Variants in NEDD9 observed in about 807,000 individuals in gnomAD.
NEDD9 encodes the protein neural precursor cell expressed, developmentally down-regulated 9, also known as enhancer of filamentation 1.
Under a neutral mutation model 76.6 loss-of-function variants are expected in NEDD9, and 26 were observed. That is an observed-to-expected ratio of 0.34 (90% CI 0.25 to 0.47). The LOEUF (loss-of-function observed/expected upper bound fraction) is 0.47, where lower values mean the gene tolerates loss of function less well. NEDD9 is among the 20% of genes least tolerant of loss of function. NEDD9 has a pLI of 1.00. For missense variants in NEDD9, 937 were observed against 1,058.5 expected, an observed-to-expected ratio of 0.89 and a Z score of 1.59; for synonymous variants, 392 against 414.2, an observed-to-expected ratio of 0.95 and a Z score of 0.65.
In NEDD9 at chr6:11,370,256, T is replaced by C. The variant is rs1762838807; in HGVS notation, c.-214+11883A>G. On this transcript the variant is annotated intron_variant, in intron 1 of 3. Transcript: ENST00000397378. The surrounding 1 kb of genome is among the most constrained non-coding windows in gnomAD (Gnocchi z 4.2). The stretch of plus-strand genomic sequence containing the variant: ...CCGAAGCTCTGCTGACGTTTTCCTA[T>C]GCTGAAGCAAGAAGTGAGGAACATT... 1.3e-5 allele frequency among the ~76,000 whole-genome samples: 2 copies of C among 152,220 alleles called. No individual in the cohort carries two copies. Among genetic ancestry groups the C allele is most frequent in the Admixed American group, 6.5e-5 (1 of 15,280 alleles).
chr6:11,288,086 T>C (rs1156560122), intron 3 of NEDD9, among the ~76,000 whole-genome samples: 1 of 152,218 alleles, frequency 6.6e-6, no homozygotes, highest in African/African-American at 2.4e-5. Flanking sequence ...AATTGTTTGG[T>C]CAGATCACTA....
intron 2 of NEDD9, among the ~76,000 whole-genome samples, chr6:11,326,314 A>G (rs1761927313): frequency 6.6e-6 from 1 of 152,200 alleles, no homozygotes; most frequent in African/African-American, 2.4e-5. Flanking sequence ...CTCCCTGCTC[A>G]TGATTATAGC....
At chr6:11,366,154 T>A (rs1414771954) in intron 1 of NEDD9, among the ~76,000 whole-genome samples, 1 of 151,796 alleles carries the variant, frequency 6.6e-6, no homozygotes, top group Non-Finnish European at 1.5e-5. Context: ...TGTGGTGGCA[T>A]GTGCCTGTAA....
At chr6:11,296,647 C>T (rs867499522) in intron 3 of NEDD9, among the ~76,000 whole-genome samples, 6,817 of 127,172 alleles carry the variant, frequency 0.054, 280 homozygotes, top group Admixed American at 0.1. Context: ...CCTTCCTTTC[C>T]TTCCTTCCTT....
intron 2 of NEDD9, among the ~76,000 whole-genome samples, chr6:11,312,175 G>A (rs1216779028): frequency 6.6e-6 from 1 of 151,922 alleles, no homozygotes; most frequent in Non-Finnish European, 1.5e-5. Context: ...TCCCCGTGAT[G>A]CCCCTCTCCC....
At chr6:11,196,266 T>C (rs558422166) in intron 2 of NEDD9, among the ~76,000 whole-genome samples, 5 of 152,256 alleles carry the variant, frequency 3.3e-5, no homozygotes, top group African/African-American at 7.2e-5. Flanking sequence ...ATCGTTCCAC[T>C]GCACTCCAGC....
At chr6:11,281,469 G>A (rs1024364005) in intron 3 of NEDD9, among the ~76,000 whole-genome samples, 11 of 152,214 alleles carry the variant, frequency 7.2e-5, no homozygotes, top group Admixed American at 6.5e-4. Context: ...TCTGGACATT[G>A]GTGTGAGAAG....
At chr6:11,322,719 C>T (rs1221997427) in intron 2 of NEDD9, among the ~76,000 whole-genome samples, 1 of 152,182 alleles carries the variant, frequency 6.6e-6, no homozygotes, top group Non-Finnish European at 1.5e-5. Context: ...CAGTCATTAC[C>T]GGAATGACGT....
chr6:11,349,269 A>G (rs1762420665), intron 1 of NEDD9, among the ~76,000 whole-genome samples: 1 of 152,206 alleles, frequency 6.6e-6, no homozygotes, highest in South Asian at 2.1e-4. Flanking sequence ...TAAAAAAATA[A>G]CAGATGCTTG....
intron 2 of NEDD9, among the ~76,000 whole-genome samples, chr6:11,326,772 G>GTA (rs1475584546): frequency 2.0e-5 from 3 of 152,188 alleles, no homozygotes; most frequent in Non-Finnish European, 4.4e-5. Context: ...CCCCTGCCCC[G>GTA]TACCATCTTC....
At chr6:11,210,540 T>C (rs1241228528) in intron 2 of NEDD9, among the ~76,000 whole-genome samples, 9 of 152,094 alleles carry the variant, frequency 5.9e-5, no homozygotes, top group Non-Finnish European at 5.9e-5. Flanking sequence ...CCACGCCTGA[T>C]CCCCAGTGTG....
chr6:11,209,982 C>CTTTTTTTTTTTTTTTA (rs1462229268), intron 2 of NEDD9, among the ~76,000 whole-genome samples: 1 of 42,052 alleles, frequency 2.4e-5, no homozygotes, highest in South Asian at 1.0e-3. Context: ...TTTTTTTTTC[C>CTTTTTTTTTTTTTTTA]TTAAGTGATT....
chr6:11,288,122 C>T (rs1403539839), intron 3 of NEDD9, among the ~76,000 whole-genome samples: 2 of 152,192 alleles, frequency 1.3e-5, no homozygotes, highest in Non-Finnish European at 2.9e-5. Flanking sequence ...TTAGAACATC[C>T]TGATCTTGAC....
intron 1 of NEDD9, among the ~76,000 whole-genome samples, chr6:11,367,283 A>G (rs190294125): frequency 2.9e-4 from 44 of 152,380 alleles, no homozygotes; most frequent in African/African-American, 1.0e-3. Context: ...GGATTAAGGA[A>G]GACAAAAGCT....
chr6:11,322,472 C>T (rs995061485), intron 2 of NEDD9, among the ~76,000 whole-genome samples: 2 of 152,148 alleles, frequency 1.3e-5, no homozygotes, highest in Admixed American at 6.5e-5. Context: ...AGGGGCATCT[C>T]GTGGGTGTGG....
chr6:11,253,083 A>G (rs1389930139), intron 3 of NEDD9, among the ~76,000 whole-genome samples: 1 of 152,198 alleles, frequency 6.6e-6, no homozygotes, highest in Non-Finnish European at 1.5e-5. Flanking sequence ...GAGTCATAAA[A>G]AAGTCAGGTC....
intron 3 of NEDD9, among the ~76,000 whole-genome samples, chr6:11,272,982 C>G (rs546715699): frequency 2.7e-4 from 41 of 152,268 alleles, no homozygotes; most frequent in Non-Finnish European, 5.9e-5. Context: ...ATCAGCCTGT[C>G]TGTGCCAAAA....
chr6:11,357,105 T>C (rs1271546552), intron 1 of NEDD9, among the ~76,000 whole-genome samples: 1 of 152,190 alleles, frequency 6.6e-6, no homozygotes, highest in Non-Finnish European at 1.5e-5. Context: ...GGCCGGCAGA[T>C]TTCCTTTTCA....
chr6:11,271,539 A>G (rs773100655), intron 3 of NEDD9: 1 of 152,282 alleles, frequency 6.6e-6, no homozygotes, highest in East Asian at 1.9e-4. Context: ...CAGTAGGTTC[A>G]GTCTAAGCAG....
Sources: allele counts gnomAD v4.1 joint callset (sites outside exome capture counted in the v4.1 genomes callset), GRCh38; gene constraint gnomAD v4.1.1; non-coding constraint Gnocchi (gnomAD v3.1); transcripts MANE v1.5; gene names NCBI Gene and HGNC (gene_info 2026-07-23, HGNC 2026-07-21).